Variants in ADAMTS17 observed in about 807,000 individuals in gnomAD.
ADAMTS17 encodes A disintegrin and metalloproteinase with thrombospondin motifs 17.
A neutral mutation model predicts 141.5 loss-of-function variants in ADAMTS17; 113 were observed. That is an observed-to-expected ratio of 0.80 (90% CI 0.69 to 0.93). ADAMTS17 has a LOEUF of 0.93. Among genes scored for constraint, ADAMTS17 ranks in the 40% least tolerant of loss-of-function variants. ADAMTS17 has a pLI of 0.00. For synonymous variants in ADAMTS17, 768 were observed against 630.6 expected, an observed-to-expected ratio of 1.22 and a Z score of -3.27; for missense variants, 1,659 against 1,517.9, an observed-to-expected ratio of 1.09 and a Z score of -1.54.
chr15:99,982,963 A>C (rs1412695375), intron 20 of ADAMTS17, among the ~76,000 whole-genome samples: 1 of 152,244 alleles, frequency 6.6e-6, no homozygotes, highest in Non-Finnish European at 1.5e-5. Flanking sequence ...CACAAAGGGC[A>C]AAAAGAGGTT....
chr15:100,049,432 G>T (rs1323924677), intron 17 of ADAMTS17, among the ~76,000 whole-genome samples: 4 of 152,196 alleles, frequency 2.6e-5, no homozygotes, highest in Non-Finnish European at 5.9e-5. Context: ...CTGGGGAGAA[G>T]TGGGAGATGA....
At chr15:100,098,877 T>A (rs2035927096) in intron 14 of ADAMTS17, among the ~76,000 whole-genome samples, 1 of 152,180 alleles carries the variant, frequency 6.6e-6, no homozygotes, top group South Asian at 2.1e-4. Context: ...ACTGGCCTCT[T>A]TCCTGGCACC....
chr15:100,298,327 T>C (rs914473063), intron 3 of ADAMTS17, among the ~76,000 whole-genome samples: 1 of 152,008 alleles, frequency 6.6e-6, no homozygotes, highest in African/African-American at 2.4e-5. Flanking sequence ...AGCTCCAGAC[T>C]CCCAGCCAGG....
At chr15:100,186,249 T>A (rs1241078065) in intron 8 of ADAMTS17, among the ~76,000 whole-genome samples, 1 of 152,192 alleles carries the variant, frequency 6.6e-6, no homozygotes, top group East Asian at 1.9e-4. Context: ...TTAAATGCCA[T>A]CTGGAAAGCT....
intron 14 of ADAMTS17, among the ~76,000 whole-genome samples, chr15:100,103,653 A>G (rs1413931053): frequency 6.6e-6 from 1 of 151,548 alleles, no homozygotes; most frequent in East Asian, 1.9e-4. Flanking sequence ...ATCTTGGCTC[A>G]CTGCAACCTC....
intron 8 of ADAMTS17, among the ~76,000 whole-genome samples, chr15:100,195,613 CA>C (rs71287815): frequency 0.079 from 5,020 of 63,688 alleles, 79 homozygotes; most frequent in East Asian, 0.2. Context: ...TGTTTGGTCT[CA>C]AAAAAAAAAA....
intron 7 of ADAMTS17, among the ~76,000 whole-genome samples, chr15:100,232,384 C>T (rs1404734320): frequency 6.6e-6 from 1 of 152,234 alleles, no homozygotes; most frequent in Non-Finnish European, 1.5e-5. Context: ...GGTATCGACC[C>T]ATCATCCCTG....
intron 11 of ADAMTS17, 58 bp downstream of exon 11, chr15:100,133,156 C>A (rs959750072): frequency 4.8e-6 from 7 of 1,460,478 alleles, no homozygotes; most frequent in African/African-American, 1.4e-5. Context: ...AGAAGAGGTG[C>A]CAGTTGCCTG....
intron 3 of ADAMTS17, among the ~76,000 whole-genome samples, chr15:100,301,746 T>C (rs1365156256): frequency 6.6e-6 from 1 of 152,186 alleles, no homozygotes; most frequent in Non-Finnish European, 1.5e-5. Context: ...TTTCTGATTA[T>C]CGAAGTCAAG....
intron 3 of ADAMTS17, among the ~76,000 whole-genome samples, chr15:100,320,105 G>A (rs767462932): frequency 2.0e-5 from 3 of 152,114 alleles, no homozygotes; most frequent in Admixed American, 6.6e-5. Context: ...GAGATCAGAC[G>A]TAGTTTAAGA....
intron 17 of ADAMTS17, 145 bp downstream of exon 17, chr15:100,051,427 A>G: frequency 1.7e-6 from 2 of 1,208,502 alleles, no homozygotes; most frequent in South Asian, 2.5e-5. Flanking sequence ...AGTATTCTGC[A>G]GAGAGATTTT....
rs117771343 is a variant in ADAMTS17, at chr15:100,294,955, G to C, written c.617-13554C>G. 3.9e-4 allele frequency among the ~76,000 whole-genome samples: 60 copies of C among 152,284 alleles called. 1 individual carries two copies. The East Asian group carries it at 9.8e-3, about 25-fold the overall frequency. On this transcript the variant is annotated intron_variant, in intron 3 of 21. Transcript: ENST00000268070. ...CTCCTTGGGAGAGAGACCAATGGCC[G>C]CAACAACTGGGCTTTCTGTGTATCA...
intron 20 of ADAMTS17, among the ~76,000 whole-genome samples, chr15:99,983,184 A>T (rs2727209): frequency 0.1 from 15,241 of 152,162 alleles, 2,355 homozygotes; most frequent in African/African-American, 0.33. Flanking sequence ...AGGGCCCACC[A>T]CCTGCCTGTC....
chr15:100,119,540 T>G (rs2037345258), intron 12 of ADAMTS17, among the ~76,000 whole-genome samples: 1 of 152,242 alleles, frequency 6.6e-6, no homozygotes, highest in Non-Finnish European at 1.5e-5. Context: ...TTCAGTTTCC[T>G]CGCCTTTCCA....
At chr15:100,205,277 T>A (rs2041492363) in intron 7 of ADAMTS17, among the ~76,000 whole-genome samples, 1 of 152,126 alleles carries the variant, frequency 6.6e-6, no homozygotes, top group Admixed American at 6.5e-5. Context: ...TTCTGTGAGT[T>A]AAGGGTAAGT....
At chr15:100,003,966 G>A (rs538595901) in intron 18 of ADAMTS17, among the ~76,000 whole-genome samples, 1 of 152,352 alleles carries the variant, frequency 6.6e-6, no homozygotes, top group African/African-American at 2.4e-5. Flanking sequence ...CAAGGTGAAT[G>A]TACTTACTGC....
At chr15:100,320,042 TA>T (rs557535870) in intron 3 of ADAMTS17, among the ~76,000 whole-genome samples, 263 of 152,258 alleles carry the variant, frequency 1.7e-3, no homozygotes, top group Admixed American at 4.8e-3. Flanking sequence ...ATATAACTTC[TA>T]AAAGTATTGA....
chr15:100,339,342 T>C (rs2046296739), intron 2 of ADAMTS17, among the ~76,000 whole-genome samples: 1 of 152,156 alleles, frequency 6.6e-6, no homozygotes, highest in Non-Finnish European at 1.5e-5. Context: ...CACCAAGAAG[T>C]ATAAACTCTG....
At chr15:100,077,812 A>T (rs1462641603) in intron 15 of ADAMTS17, among the ~76,000 whole-genome samples, 2 of 152,222 alleles carry the variant, frequency 1.3e-5, no homozygotes, top group Non-Finnish European at 2.9e-5. Flanking sequence ...TGGAAAGAAG[A>T]AGTAAAATTA....
Sources: allele counts gnomAD v4.1 joint callset (sites outside exome capture counted in the v4.1 genomes callset), GRCh38; gene constraint gnomAD v4.1.1; transcripts MANE v1.5; gene names NCBI Gene and HGNC (gene_info 2026-07-23, HGNC 2026-07-21).